MGAT4C: variants seen among roughly 807,000 people sequenced by gnomAD.
The protein encoded by MGAT4C is alpha-1,3-mannosyl-glycoprotein 4-beta-N-acetylglucosaminyltransferase C.
Under a neutral mutation model 40.1 loss-of-function variants are expected in MGAT4C, and 19 were observed. That is an observed-to-expected ratio of 0.47 (90% CI 0.33 to 0.70). MGAT4C has a LOEUF of 0.70. Ranked by LOEUF, MGAT4C falls within the 30% of genes least tolerant of loss-of-function variation. The pLI is 0.02. For synonymous variants in MGAT4C, 181 were observed against 187.1 expected (o/e 0.97, Z 0.27); for missense variants, 491 against 563.2 (o/e 0.87, Z 1.30).
At chr12:86,603,748 T>G (rs542008539) in intron 2 of MGAT4C, among the ~76,000 whole-genome samples, 1 of 131,982 alleles carries the variant, frequency 7.6e-6, no homozygotes, top group African/African-American at 2.8e-5. Flanking sequence ...ATACTATATA[T>G]TATATATAAT....
Position 85,965,731 on chromosome 12 carries a change from T to C in MGAT4C, c.*13558A>G, listed in dbSNP as rs1883332855. 1 of 152,142 alleles carries C rather than the reference T, an allele frequency of 6.6e-6. No individual in the cohort carries two copies. The highest frequency in any genetic ancestry group is 1.5e-5 in the Non-Finnish European group (1 of 68,018). The allele number at this position is 152,142 out of a possible 1,614,324, so 9.4% of individuals were successfully genotyped here. Reference sequence around the variant, plus strand: ...AATTTGAAACAGAACTTTTCCTAGCTTCTAAATGATTAGAAATTTCAGCTT... The same window carrying C: ...AATTTGAAACAGAACTTTTCCTAGCCTCTAAATGATTAGAAATTTCAGCTT... On this transcript the variant is annotated 3_prime_UTR_variant, in exon 5 of 5. Coordinates refer to ENST00000611864, the MANE Select transcript of MGAT4C (RefSeq NM_001351288.2).
chr12:86,492,073 G>C (rs1305477364), intron 2 of MGAT4C, among the ~76,000 whole-genome samples: 1 of 152,072 alleles, frequency 6.6e-6, no homozygotes, highest in Non-Finnish European at 1.5e-5. Context: ...AAAATACCTA[G>C]GAATCCAACT....
At chr12:86,052,395 A>C (rs989576901) in intron 1 of MGAT4C, among the ~76,000 whole-genome samples, 1 of 152,002 alleles carries the variant, frequency 6.6e-6, no homozygotes, top group East Asian at 1.9e-4. Context: ...GAAATTCTAC[A>C]TTAATATATA....
chr12:86,742,603 A>C (rs914178682), intron 1 of MGAT4C, among the ~76,000 whole-genome samples: 22 of 151,426 alleles, frequency 1.5e-4, no homozygotes, highest in African/African-American at 5.3e-4. Flanking sequence ...GTTTAGCCTA[A>C]ATGAGATTAG....
intron 2 of MGAT4C, among the ~76,000 whole-genome samples, chr12:86,612,044 C>T (rs547020621): frequency 1.3e-5 from 2 of 152,202 alleles, no homozygotes; most frequent in South Asian, 4.2e-4. Context: ...TTTAATCAAC[C>T]TCTGGGCTCA....
intron 1 of MGAT4C, among the ~76,000 whole-genome samples, chr12:86,133,853 C>A (rs1374558389): frequency 1.3e-5 from 2 of 152,000 alleles, no homozygotes; most frequent in African/African-American, 2.4e-5. Flanking sequence ...TAGGGAAAAA[C>A]AAGATGAAAC....
At chr12:86,173,155 A>G (rs1887028549) in intron 1 of MGAT4C, among the ~76,000 whole-genome samples, 1 of 152,076 alleles carries the variant, frequency 6.6e-6, no homozygotes, top group Non-Finnish European at 1.5e-5. Context: ...GAATAACCTA[A>G]CTGGGATTCA....
intron 1 of MGAT4C, among the ~76,000 whole-genome samples, chr12:86,255,127 A>T (rs911025946): frequency 6.6e-6 from 1 of 152,142 alleles, no homozygotes; most frequent in African/African-American, 2.4e-5. Flanking sequence ...TGAACAAGCC[A>T]TTATTCAAAA....
intron 2 of MGAT4C, among the ~76,000 whole-genome samples, chr12:86,527,883 C>G (rs1958912628): frequency 6.6e-6 from 1 of 152,042 alleles, no homozygotes; most frequent in Non-Finnish European, 1.5e-5. Flanking sequence ...AAAAAGTGGA[C>G]TTCATAAAAA....
intron 1 of MGAT4C, among the ~76,000 whole-genome samples, chr12:86,766,850 C>T (rs1951519805): frequency 1.3e-5 from 2 of 151,754 alleles, no homozygotes; most frequent in East Asian, 3.9e-4. Context: ...ACCAGAATCC[C>T]TGGGACACAT....
intron 2 of MGAT4C, among the ~76,000 whole-genome samples, chr12:86,629,583 C>T (rs1270392638): frequency 6.6e-6 from 1 of 152,184 alleles, no homozygotes; most frequent in African/African-American, 2.4e-5. Context: ...CAACTTACAA[C>T]TCAGGATTAA....
At chr12:86,745,656 G>A (rs1487231222) in intron 1 of MGAT4C, among the ~76,000 whole-genome samples, 1 of 151,608 alleles carries the variant, frequency 6.6e-6, no homozygotes, top group East Asian at 1.9e-4. Flanking sequence ...TTAACTCAAT[G>A]CCCATAATAA....
chr12:86,809,520 T>A (rs1593227847), intron 1 of MGAT4C, among the ~76,000 whole-genome samples: 1 of 151,960 alleles, frequency 6.6e-6, no homozygotes. Context: ...ATTGACCCAG[T>A]TTCTTTGCAT....
At chr12:86,011,172 A>G (rs2136819484) in intron 2 of MGAT4C, among the ~76,000 whole-genome samples, 1 of 152,358 alleles carries the variant, frequency 6.6e-6, no homozygotes, top group East Asian at 1.9e-4. Flanking sequence ...GCAAGAAGTC[A>G]AAATTCCTAA....
intron 2 of MGAT4C, among the ~76,000 whole-genome samples, chr12:86,489,799 G>A (rs533499734): frequency 6.6e-5 from 10 of 152,222 alleles, no homozygotes; most frequent in South Asian, 2.1e-4. Flanking sequence ...GAGCCGATGC[G>A]ATCAACTGGA....
At chr12:86,448,899 A>G (rs1429096754) in intron 2 of MGAT4C, among the ~76,000 whole-genome samples, 2 of 152,288 alleles carry the variant, frequency 1.3e-5, no homozygotes, top group Middle Eastern at 3.4e-3. Context: ...AGGAAAGCCA[A>G]GAATTGGAAC....
intron 2 of MGAT4C, among the ~76,000 whole-genome samples, chr12:86,044,026 G>T (rs1161190847): frequency 1.3e-5 from 2 of 152,168 alleles, no homozygotes; most frequent in East Asian, 3.9e-4. Flanking sequence ...CTTAGAAGTT[G>T]CTATCCTTTG....
chr12:86,621,420 T>C (rs1223084379), intron 2 of MGAT4C, among the ~76,000 whole-genome samples: 1 of 152,120 alleles, frequency 6.6e-6, no homozygotes, highest in African/African-American at 2.4e-5. Context: ...ACTTACTATA[T>C]TGAGAGTATA....
chr12:86,593,737 TC>T (rs1961421255), intron 2 of MGAT4C, among the ~76,000 whole-genome samples: 2 of 152,308 alleles, frequency 1.3e-5, no homozygotes, highest in South Asian at 4.1e-4. Context: ...TTATTTCTAT[TC>T]TTTTAAATAG....
Sources: gnomAD v4.1 joint callset for allele counts (sites outside exome capture counted in the v4.1 genomes callset) on GRCh38, gnomAD v4.1.1 for gene constraint, MANE v1.5 for transcripts, NCBI Gene and HGNC (gene_info 2026-07-23, HGNC 2026-07-21) for gene names.